Variants in CMIP observed in about 807,000 individuals in gnomAD.
CMIP encodes c-Maf inducing protein.
A neutral mutation model predicts 97.3 loss-of-function variants in CMIP; 13 were observed. That is an observed-to-expected ratio of 0.13 (90% CI 0.09 to 0.21). The LOEUF (loss-of-function observed/expected upper bound fraction) is 0.21, where lower values mean the gene tolerates loss of function less well. Ranked by LOEUF, CMIP falls within the 10% of genes least tolerant of loss-of-function variation. The pLI is 1.00. For missense variants in CMIP, 847 were observed against 1,024.9 expected (o/e 0.83, Z 2.37); for synonymous variants, 538 against 436.3 (o/e 1.23, Z -2.91).
chr16:81,640,371 G>T (rs973365838), intron 3 of CMIP, among the ~76,000 whole-genome samples: 1 of 151,542 alleles, frequency 6.6e-6, no homozygotes. Flanking sequence ...GTTGCAGAGG[G>T]CCCTGCTGCC....
chr16:81,573,518 C>G lies in CMIP; in HGVS notation c.301-34049C>G, dbSNP rs186746523. ...CACCTTTGGCCTGGGATGCAGGAGACTGAGGACATCGAAGCTCATATTTGA... is the reference window on the plus strand; with the variant it reads ...CACCTTTGGCCTGGGATGCAGGAGAGTGAGGACATCGAAGCTCATATTTGA... On this transcript the variant is annotated intron_variant, in intron 1 of 20. Transcript: ENST00000537098. Among the ~76,000 whole-genome samples, 132 of 152,226 alleles carry G rather than the reference C, an allele frequency of 8.7e-4. 1 individual carries two copies. Among genetic ancestry groups the G allele is most frequent in the African/African-American group, 3.1e-3 (129 of 41,522 alleles).
At chr16:81,451,820 C>G (rs1287587582) in intron 1 of CMIP, among the ~76,000 whole-genome samples, 2 of 152,162 alleles carry the variant, frequency 1.3e-5, no homozygotes, top group South Asian at 2.1e-4. Flanking sequence ...CCTGCTTTCC[C>G]CAGGATGGAA....
chr16:81,528,300 A>G (rs1374737440), intron 1 of CMIP, among the ~76,000 whole-genome samples: 1 of 152,142 alleles, frequency 6.6e-6, no homozygotes, highest in Non-Finnish European at 1.5e-5. Context: ...ATTCTAAACA[A>G]TGCCAAGGCT....
chr16:81,707,170 T>A (rs1345453671), intron 20 of CMIP, 86 bp downstream of exon 20: 7 of 1,090,412 alleles, frequency 6.4e-6, no homozygotes, highest in Non-Finnish European at 9.8e-6. Flanking sequence ...ACAGAGCTCG[T>A]TCTCCAGTAA....
chr16:81,693,230 C>G (rs372255221), intron 12 of CMIP, 46 bp downstream of exon 12: 96 of 1,581,426 alleles, frequency 6.1e-5, no homozygotes, highest in Non-Finnish European at 8.1e-5. Context: ...CACGCACGGC[C>G]TCTGTCCTGA....
chr16:81,507,651 G>T (rs112137466), intron 1 of CMIP, among the ~76,000 whole-genome samples: 1 of 152,188 alleles, frequency 6.6e-6, no homozygotes, highest in African/African-American at 2.4e-5. Context: ...TTTAATTCAG[G>T]AGTCATTGGA....
chr16:81,484,094 A>G (rs913579485), intron 1 of CMIP, among the ~76,000 whole-genome samples: 1 of 152,006 alleles, frequency 6.6e-6, no homozygotes, highest in African/African-American at 2.4e-5. Flanking sequence ...CAAACCAGAT[A>G]GCGTTTTTGC....
At chr16:81,590,655 C>G (rs1043869706) in intron 1 of CMIP, among the ~76,000 whole-genome samples, 1 of 152,186 alleles carries the variant, frequency 6.6e-6, no homozygotes, top group South Asian at 2.1e-4. Flanking sequence ...AAGGCCAGTT[C>G]CTAGGAGAGA....
intron 1 of CMIP, among the ~76,000 whole-genome samples, chr16:81,475,078 C>G (rs1907815217): frequency 6.6e-6 from 1 of 152,050 alleles, no homozygotes. Flanking sequence ...CATGGCTGGC[C>G]CTCTGGAGAG....
intron 2 of CMIP, chr16:81,610,568 TG>T (rs2091814936): frequency 2.0e-6 from 2 of 981,896 alleles, no homozygotes; most frequent in Admixed American, 6.1e-5. Flanking sequence ...CCCTGGCGGC[TG>T]TGGTTCTCTC....
At chr16:81,661,437 A>T (rs1298578307) in intron 6 of CMIP, among the ~76,000 whole-genome samples, 1 of 152,240 alleles carries the variant, frequency 6.6e-6, no homozygotes, top group East Asian at 1.9e-4. Context: ...TCCAGGGCAC[A>T]TCTTTGTGGC....
chr16:81,445,646 C>G, intron 1 of CMIP, 105 bp downstream of exon 1: 1 of 1,275,562 alleles, frequency 7.8e-7, no homozygotes, highest in Non-Finnish European at 1.1e-6. Flanking sequence ...GCCTGGGGGG[C>G]GGTGGGGGGT....
At chr16:81,581,999 G>C (rs1028059300) in intron 1 of CMIP, among the ~76,000 whole-genome samples, 1 of 152,190 alleles carries the variant, frequency 6.6e-6, no homozygotes, top group Non-Finnish European at 1.5e-5. Flanking sequence ...GAGGCCTCAG[G>C]TGGAAGGCAA....
At chr16:81,703,824 C>T (rs1193773481) in intron 17 of CMIP, 115 bp from the exon 18 acceptor site, 1 of 1,400,000 alleles carries the variant, frequency 7.1e-7, no homozygotes, top group Non-Finnish European at 9.5e-7. Context: ...TTTACCGCCC[C>T]CCAGGAACAG....
chr16:81,692,779 C>T (rs565041121), intron 11 of CMIP, among the ~76,000 whole-genome samples: 37 of 152,318 alleles, frequency 2.4e-4, no homozygotes, highest in South Asian at 8.3e-4. Flanking sequence ...CCCCCATGGC[C>T]GCTGATGTGT....
chr16:81,559,284 G>T (rs138650817), intron 1 of CMIP, among the ~76,000 whole-genome samples: 1 of 152,312 alleles, frequency 6.6e-6, no homozygotes, highest in East Asian at 1.9e-4. Context: ...GTGGGGTGAA[G>T]GTGAACATTT....
At chr16:81,477,754 C>G (rs1223374834) in intron 1 of CMIP, among the ~76,000 whole-genome samples, 1 of 152,232 alleles carries the variant, frequency 6.6e-6, no homozygotes, top group Non-Finnish European at 1.5e-5. Context: ...CCTAGGGCCC[C>G]TCCATGTGGC....
intron 20 of CMIP, among the ~76,000 whole-genome samples, chr16:81,707,880 G>A (rs930682014): frequency 2.6e-5 from 4 of 152,236 alleles, no homozygotes; most frequent in Admixed American, 6.5e-5. Context: ...GATGGCACCC[G>A]TGAGCCACGC....
chr16:81,546,463 C>G (rs1412683555), intron 1 of CMIP, among the ~76,000 whole-genome samples: 4 of 152,236 alleles, frequency 2.6e-5, no homozygotes, highest in African/African-American at 9.6e-5. Context: ...TTTCCTGAGG[C>G]TTGGTGGGGA....
Sources: gnomAD v4.1 joint callset for allele counts (sites outside exome capture counted in the v4.1 genomes callset) on GRCh38, gnomAD v4.1.1 for gene constraint, MANE v1.5 for transcripts, NCBI Gene and HGNC (gene_info 2026-07-23, HGNC 2026-07-21) for gene names.